The following ACVR2B variants were observed in gnomAD, a reference collection of about 807,000 sequenced individuals.
ACVR2B encodes activin A receptor type 2B, also known as activin receptor type-2B.
Under a neutral mutation model 65.1 loss-of-function variants are expected in ACVR2B, and 18 were observed. The ratio of observed to expected loss-of-function variants is 0.28; its 90% confidence interval spans 0.19 to 0.41. The LOEUF is 0.41. Ranked by LOEUF, ACVR2B falls within the 10% of genes least tolerant of loss-of-function variation. The pLI is 1.00. For synonymous variants in ACVR2B, 298 were observed against 277.7 expected, an observed-to-expected ratio of 1.07 and a Z score of -0.73; for missense variants, 482 against 682.7, an observed-to-expected ratio of 0.71 and a Z score of 3.28.
rs1710071058 is a variant in ACVR2B at position 38,484,040 on chromosome 3, T to A, written c.*708T>A. The A allele has an allele frequency of 6.6e-6, 1 of 152,666 alleles. No individual in the cohort carries two copies. Among genetic ancestry groups the A allele is most frequent in the African/African-American group, 2.4e-5 (1 of 41,414 alleles). 9.5% of individuals were successfully genotyped at this position (152,666 alleles called of 1,614,324 possible). On this transcript the variant is annotated 3_prime_UTR_variant, in exon 11 of 11. Transcript: ENST00000352511. ...CTCGGGCACATTCGGAGCAGCATCC[T>A]TTAGTATGGAGGCTACTTCTCAGGT...
At position 38,488,400 on chromosome 3, in the gene ACVR2B, GT is replaced by G. The variant is rs1664939469; in HGVS notation, c.*5072del. The stretch of plus-strand genomic sequence containing the variant: ...AAAAGATTTTTGAAATAATGATTTA[GT>G]TTTGTAGGAAAAACACCCCCTTGAA... On this transcript the variant is annotated 3_prime_UTR_variant, in exon 11 of 11. Transcript: ENST00000352511. 1 of 152,162 alleles carries G rather than the reference GT, an allele frequency of 6.6e-6. No homozygotes were observed. Among genetic ancestry groups the G allele is most frequent in the Non-Finnish European group, 1.5e-5 (1 of 68,022 alleles). 9.4% of individuals were successfully genotyped at this position (152,162 alleles called of 1,614,324 possible).
chr3:38,469,548 A>G (rs1709786116), intron 1 of ACVR2B, among the ~76,000 whole-genome samples: 1 of 151,942 alleles, frequency 6.6e-6, no homozygotes, highest in Admixed American at 6.5e-5. Flanking sequence ...CCGAGAATTT[A>G]TAACCATAGG....
At position 38,489,476 on chromosome 3, in the gene ACVR2B, G is replaced by A. The variant is rs890298694; in HGVS notation, c.*6144G>A. 1.3e-5 allele frequency: 2 copies of A among 152,610 alleles called. No individual in the cohort carries two copies. Among genetic ancestry groups the A allele is most frequent in the African/African-American group, 2.4e-5 (1 of 41,420 alleles). 9.5% of individuals were successfully genotyped at this position (152,610 alleles called of 1,614,324 possible). On this transcript the variant is annotated 3_prime_UTR_variant, in exon 11 of 11. Coordinates refer to ENST00000352511, the MANE Select transcript of ACVR2B (RefSeq NM_001106.4). ...GATTCTTGTGATACACTGGCAGACT[G>A]GAGTCAATTTGCGGGTCTTTTTTGG...
At chr3:38,472,536 CCTT>C (rs1179752120) in intron 1 of ACVR2B, among the ~76,000 whole-genome samples, 1 of 151,372 alleles carries the variant, frequency 6.6e-6, no homozygotes, top group African/African-American at 2.4e-5. Context: ...GAGTGGCACT[CCTT>C]CTCACCTGGT....
At chr3:38,458,523 T>G (rs2125712194) in intron 1 of ACVR2B, among the ~76,000 whole-genome samples, 1 of 152,306 alleles carries the variant, frequency 6.6e-6, no homozygotes, top group South Asian at 2.1e-4. Context: ...TCCACCTTGG[T>G]ACCTCACTTA....
At chr3:38,473,427 G>C (rs1433289433) in intron 1 of ACVR2B, 1 of 152,408 alleles carries the variant, frequency 6.6e-6, no homozygotes, top group Admixed American at 6.5e-5. Flanking sequence ...TCCTGGGTGT[G>C]GGTGGGAATC....
Position 38,487,806 on chromosome 3 carries a change from G to C in ACVR2B, c.*4474G>C, listed in dbSNP as rs1045152172. 6.6e-6 allele frequency: 1 copy of C among 152,242 alleles called. No homozygotes were observed. The highest frequency in any genetic ancestry group is 2.4e-5 in the African/African-American group (1 of 41,466). 9.4% of individuals were successfully genotyped at this position (152,242 alleles called of 1,614,324 possible). ...TAGAATTGGTACTAGAAGTTGGACA[G>C]CTAGTTATTCTCGAGAACTTTATTT... On this transcript the variant is annotated 3_prime_UTR_variant, in exon 11 of 11. Coordinates refer to ENST00000352511, the MANE Select transcript of ACVR2B (RefSeq NM_001106.4).
chr3:38,455,226 C>T (rs1398982008), intron 1 of ACVR2B, among the ~76,000 whole-genome samples: 1 of 152,034 alleles, frequency 6.6e-6, no homozygotes, highest in East Asian at 1.9e-4. Context: ...GTCCAAGCAC[C>T]GATTTCCCTC....
chr3:38,467,433 A>C (rs1709749550), intron 1 of ACVR2B, among the ~76,000 whole-genome samples: 1 of 151,458 alleles, frequency 6.6e-6, no homozygotes, highest in African/African-American at 2.4e-5. Flanking sequence ...ACAAGAGCGA[A>C]ACTCTGTCTC....
Position 38,481,624 on chromosome 3 carries a change from C to CT in ACVR2B, c.1074+159_1074+160insT, listed in dbSNP as rs1483257505. Among the ~76,000 whole-genome samples, 3 of 152,188 alleles carry CT rather than the reference C, an allele frequency of 2.0e-5. No individual in the cohort carries two copies. Among genetic ancestry groups the CT allele is most frequent in the Non-Finnish European group, 4.4e-5 (3 of 68,042 alleles). On this transcript the variant is annotated intron_variant, in intron 8 of 10. Coordinates refer to ENST00000352511, the MANE Select transcript of ACVR2B (RefSeq NM_001106.4). The surrounding 1 kb of genome is among the most constrained non-coding windows in gnomAD (Gnocchi z 4.7). The stretch of plus-strand genomic sequence containing the variant: ...TGCTCTTGTTTGACCAGTGGAGAAA[C>CT]CAAGACCAGGAAGGCAGTGTAGTTT...
At position 38,481,346 on chromosome 3, in the gene ACVR2B, C is replaced by T. The variant is rs772570858; in HGVS notation, c.960-5C>T. ...AGCTTTATCTCTGCCCACTTGTTTCCACAGGGACTTTAAAAGTAAGAATGT... is the reference window on the plus strand; with the variant it reads ...AGCTTTATCTCTGCCCACTTGTTTCTACAGGGACTTTAAAAGTAAGAATGT... On this transcript the variant is annotated splice_region_variant and splice_polypyrimidine_tract_variant and intron_variant, in intron 7 of 10. Transcript: ENST00000352511. This position sits in a 1 kb window ranked among gnomAD's most constrained non-coding sequence, Gnocchi z 4.7. 1 of 1,611,550 alleles carries T rather than the reference C, an allele frequency of 6.2e-7. No homozygotes were observed. Among genetic ancestry groups the T allele is most frequent in the Admixed American group, 1.7e-5 (1 of 60,018 alleles).
chr3:38,476,854 GATT>G (rs1709918413), intron 1 of ACVR2B: 1 of 272,778 alleles, frequency 3.7e-6, no homozygotes, highest in Non-Finnish European at 7.1e-6. Context: ...AACATACAGT[GATT>G]CCGATGTGCA....
chr3:38,492,963 A>G lies in ACVR2B; in HGVS notation c.*9631A>G, dbSNP rs1251825269. On this transcript the variant is annotated 3_prime_UTR_variant, in exon 11 of 11. Transcript: ENST00000352511. ...AAATGAGTGTCAAGTTTGAAATTAG[A>G]TCTGCTAAGTTGGGGTTTTGCTGCT... is the stretch of plus-strand genomic sequence containing the variant. 1 of 152,478 alleles carries G rather than the reference A, an allele frequency of 6.6e-6. No homozygotes were observed. Among genetic ancestry groups the G allele is most frequent in the Non-Finnish European group, 1.5e-5 (1 of 68,016 alleles). 9.4% of individuals were successfully genotyped at this position (152,478 alleles called of 1,614,324 possible). A position where few individuals can be genotyped will look rare whatever the true frequency, so the allele number is the denominator to read the frequency against.
At position 38,491,573 on chromosome 3, in the gene ACVR2B, T is replaced by C. The variant is rs1471363141; in HGVS notation, c.*8241T>C. 6.6e-6 allele frequency: 1 copy of C among 152,436 alleles called. No homozygotes were observed. 9.4% of individuals were successfully genotyped at this position (152,436 alleles called of 1,614,324 possible). On this transcript the variant is annotated 3_prime_UTR_variant, in exon 11 of 11. Transcript: ENST00000352511. ...GGGAAAAATGCAGTCACCCAAATTT[T>C]ACCAACAATGACAGAGATGAGAGTA... is the stretch of plus-strand genomic sequence containing the variant.
In ACVR2B at chr3:38,484,675, CAAAA is replaced by C. The variant is rs1173146668; in HGVS notation, c.*1344_*1347del. On this transcript the variant is annotated 3_prime_UTR_variant, in exon 11 of 11. Coordinates refer to ENST00000352511, the MANE Select transcript of ACVR2B (RefSeq NM_001106.4). ...AACATGCTAAATTTTTTTTTTCAAA[CAAAA>C]CACACACATCCACATATACACATGC... 6.6e-6 allele frequency: 1 copy of C among 152,264 alleles called. No homozygotes were observed. The highest frequency in any genetic ancestry group is 1.9e-4 in the East Asian group (1 of 5,182). 9.4% of individuals were successfully genotyped at this position (152,264 alleles called of 1,614,324 possible). A position where few individuals can be genotyped will look rare whatever the true frequency, so the allele number is the denominator to read the frequency against.
Position 38,482,572 on chromosome 3 carries a change from G to A in ACVR2B, c.1344+12G>A. 6.2e-7 allele frequency: 1 copy of A among 1,608,464 alleles called. No individual in the cohort carries two copies. The highest frequency in any genetic ancestry group is 2.2e-5 in the East Asian group (1 of 44,812). On this transcript the variant is annotated intron_variant, in intron 10 of 10. Transcript: ENST00000352511. ...GGTTGAAACACCCGGTAAGGGGCCT[G>A]GTTCAGGCAACTTTGCAGGGGGGTG...
At chr3:38,468,700 T>C (rs192864250) in intron 1 of ACVR2B, among the ~76,000 whole-genome samples, 106 of 152,338 alleles carry the variant, frequency 7.0e-4, no homozygotes, top group African/African-American at 2.5e-3. Context: ...ATTGCTTTTC[T>C]ACTTTATCCA....
chr3:38,482,577 A>G lies in ACVR2B; in HGVS notation c.1344+17A>G. The G allele has an allele frequency of 6.2e-7, 1 of 1,607,836 alleles. No individual in the cohort carries two copies. The highest frequency in any genetic ancestry group is 1.1e-5 in the South Asian group (1 of 89,672). ...AAACACCCGGTAAGGGGCCTGGTTC[A>G]GGCAACTTTGCAGGGGGGTGGAGAA... On this transcript the variant is annotated intron_variant, in intron 10 of 10. Coordinates refer to ENST00000352511, the MANE Select transcript of ACVR2B (RefSeq NM_001106.4).
In ACVR2B at chr3:38,477,968, A is replaced by T; in HGVS notation, c.368A>T (p.Glu123Val). 6.2e-7 allele frequency: 1 copy of T among 1,613,802 alleles called. No homozygotes were observed. Among genetic ancestry groups the T allele is most frequent in the Non-Finnish European group, 8.5e-7 (1 of 1,179,918 alleles). ...CATTTGCCAGAGGCTGGGGGCCCGG[A>T]AGGTAAGGGGGCAGTGTGGAAGTGG... ...FTHLPEAGGP[E>V]VTYEPPPTAP... Residue 123 changes from glutamate to valine, a missense_variant and splice_region_variant, in exon 3 of 11, where the codon GAA becomes GTA. By Grantham distance (121) the Glu-to-Val change is moderately radical. Around this residue, in one of 5 missense-constraint regions of ACVR2B, gnomAD observed 85 missense variants for 137.3 expected, o/e 0.62. Transcript: ENST00000352511. The surrounding 1 kb of genome is among the most constrained non-coding windows in gnomAD (Gnocchi z 6.7).
Sources: gnomAD v4.1 joint callset for allele counts (sites outside exome capture counted in the v4.1 genomes callset) on GRCh38, gnomAD v4.1.1 for gene constraint, gnomAD v4.1.1 regional missense constraint, Gnocchi (gnomAD v3.1) non-coding constraint, MANE v1.5 for transcripts, NCBI Gene and HGNC (gene_info 2026-07-23, HGNC 2026-07-21) for gene names.